MTMR3: variants seen among roughly 807,000 people sequenced by gnomAD.
MTMR3 encodes myotubularin related protein 3.
A neutral mutation model predicts 132.4 loss-of-function variants in MTMR3; 32 were observed. The observed-to-expected ratio is 0.24, with a 90% CI of 0.18 to 0.32. The LOEUF is 0.32. Ranked by LOEUF, MTMR3 falls within the 10% of genes least tolerant of loss-of-function variation. The pLI, the probability that MTMR3 is intolerant of heterozygous loss-of-function variation, is 1.00. For missense variants in MTMR3, 1,216 were observed against 1,489.6 expected (o/e 0.82, Z 3.02); for synonymous variants, 556 against 550.3 (o/e 1.01, Z -0.14).
chr22:29,913,518 G>A (rs570370181), intron 1 of MTMR3, among the ~76,000 whole-genome samples: 2 of 152,058 alleles, frequency 1.3e-5, no homozygotes, highest in Non-Finnish European at 2.9e-5. Flanking sequence ...GGTATAATTT[G>A]CACAAATTTT....
intron 1 of MTMR3, among the ~76,000 whole-genome samples, chr22:29,910,923 G>T (rs1914682442): frequency 6.6e-6 from 1 of 152,044 alleles, no homozygotes; most frequent in Non-Finnish European, 1.5e-5. Context: ...TAACTTTTAT[G>T]TTTAGTAGGA....
At chr22:30,006,924 A>G in intron 9 of MTMR3, 190 bp from the exon 10 acceptor site, 2 of 594,208 alleles carry the variant, frequency 3.4e-6, no homozygotes, top group Non-Finnish European at 5.9e-6. Context: ...ATTGAGAAAG[A>G]CACACAGGTT....
intron 1 of MTMR3, among the ~76,000 whole-genome samples, chr22:29,899,899 A>G (rs890661186): frequency 5.3e-5 from 8 of 152,332 alleles, no homozygotes; most frequent in African/African-American, 1.9e-4. Context: ...ACTTCTTTGT[A>G]TGTATATTAT....
chr22:29,898,970 A>G (rs1164924078), intron 1 of MTMR3, among the ~76,000 whole-genome samples: 1 of 147,676 alleles, frequency 6.8e-6, no homozygotes, highest in South Asian at 2.1e-4. Flanking sequence ...GATCTACTTT[A>G]TAAGTGAGTC....
chr22:30,007,817 A>G (rs2067306334), intron 10 of MTMR3, 84 bp from the exon 11 acceptor site: 14 of 1,506,108 alleles, frequency 9.3e-6, no homozygotes, highest in Non-Finnish European at 1.3e-5. Flanking sequence ...TTTTTGTGCC[A>G]TAAGATGTGC....
intron 1 of MTMR3, among the ~76,000 whole-genome samples, chr22:29,925,779 A>G (rs533799421): frequency 6.6e-6 from 1 of 152,100 alleles, no homozygotes; most frequent in East Asian, 1.9e-4. Flanking sequence ...GCTGGGTGTG[A>G]TGGTGGGCAC....
chr22:29,922,279 A>G (rs1019950519), intron 1 of MTMR3, among the ~76,000 whole-genome samples: 1 of 152,104 alleles, frequency 6.6e-6, no homozygotes, highest in Admixed American at 6.5e-5. Context: ...TTGACCTCCC[A>G]AAGTGCTGGG....
At chr22:29,886,668 G>T (rs764410539) in intron 1 of MTMR3, among the ~76,000 whole-genome samples, 1 of 152,270 alleles carries the variant, frequency 6.6e-6, no homozygotes. Flanking sequence ...TTATTTAAAA[G>T]AAACAAGATT....
chr22:30,009,243 C>T (rs1224749042), intron 12 of MTMR3, 114 bp downstream of exon 12: 4 of 718,624 alleles, frequency 5.6e-6, no homozygotes, highest in Non-Finnish European at 9.4e-6. Context: ...GCAGTCTTTC[C>T]TTCTGTTTCT....
chr22:29,913,100 T>G (rs1326514345), intron 1 of MTMR3, among the ~76,000 whole-genome samples: 1 of 151,980 alleles, frequency 6.6e-6, no homozygotes, highest in African/African-American at 2.4e-5. Flanking sequence ...TAATAATTAT[T>G]ATCCAGCTGT....
chr22:29,896,113 C>G (rs1300033387), intron 1 of MTMR3, among the ~76,000 whole-genome samples: 1 of 152,080 alleles, frequency 6.6e-6, no homozygotes, highest in Non-Finnish European at 1.5e-5. Flanking sequence ...AGTTCAAGAC[C>G]AGCCTGGCCA....
intron 1 of MTMR3, among the ~76,000 whole-genome samples, chr22:29,937,724 A>G (rs758635391): frequency 1.3e-5 from 2 of 152,216 alleles, no homozygotes; most frequent in Non-Finnish European, 1.5e-5. Flanking sequence ...ACTTGAATCT[A>G]TGCTCCTGAG....
intron 1 of MTMR3, among the ~76,000 whole-genome samples, chr22:29,894,502 C>CTGTG (rs2064856358): frequency 1.1e-5 from 1 of 95,096 alleles, no homozygotes; most frequent in African/African-American, 3.9e-5. Context: ...AGTTCTGTAT[C>CTGTG]CGTGTGTGTG....
intron 1 of MTMR3, among the ~76,000 whole-genome samples, chr22:29,951,913 A>G (rs899184268): frequency 4.9e-5 from 7 of 143,602 alleles, no homozygotes; most frequent in Admixed American, 1.4e-4. Context: ...TTTTTGAGAC[A>G]GTCTCTCACT....
At chr22:29,981,199 T>C (rs1349571458) in intron 5 of MTMR3, 1 of 152,256 alleles carries the variant, frequency 6.6e-6, no homozygotes, top group Non-Finnish European at 1.5e-5. Flanking sequence ...GTCTTCAAGA[T>C]CCAGCATGTC....
chr22:29,906,765 A>C (rs2065112211), intron 1 of MTMR3, among the ~76,000 whole-genome samples: 1 of 152,110 alleles, frequency 6.6e-6, no homozygotes, highest in Non-Finnish European at 1.5e-5. Context: ...CCCCATTCTG[A>C]ACATTGTTTC....
At chr22:29,942,371 A>G (rs1358538560) in intron 1 of MTMR3, among the ~76,000 whole-genome samples, 2 of 152,144 alleles carry the variant, frequency 1.3e-5, no homozygotes, top group African/African-American at 4.8e-5. Context: ...TCACAAGGCA[A>G]ATGGAGGCAG....
At chr22:30,008,078 G>A (rs2067312807) in intron 11 of MTMR3, 46 bp downstream of exon 11, 2 of 1,595,444 alleles carry the variant, frequency 1.3e-6, no homozygotes, top group Non-Finnish European at 1.7e-6. Context: ...CCTTGTGAGT[G>A]TAGCCCTTGC....
At chr22:29,982,211 T>TAAAAAA (rs71328819) in intron 5 of MTMR3, 2 of 41,166 alleles carry the variant, frequency 4.9e-5, no homozygotes, top group South Asian at 2.8e-3. Flanking sequence ...TCTGTCTCAT[T>TAAAAAA]AAAAAAAAAA....
Sources: gnomAD v4.1 joint callset for allele counts (sites outside exome capture counted in the v4.1 genomes callset) on GRCh38, gnomAD v4.1.1 for gene constraint, MANE v1.5 for transcripts, NCBI Gene and HGNC (gene_info 2026-07-23, HGNC 2026-07-21) for gene names.